Variants in HRH1 observed in about 807,000 individuals in gnomAD.
HRH1 encodes the protein histamine receptor H1, also known as histamine H1 receptor.
A neutral mutation model predicts 10.3 loss-of-function variants in HRH1; 6 were observed. That is an observed-to-expected ratio of 0.58 (90% CI 0.32 to 1.15). The LOEUF is 1.15. HRH1 is among the 50% of genes most tolerant of loss of function. The pLI is 0.05. For missense variants in HRH1, 514 were observed against 615.3 expected (o/e 0.84, Z 1.74); for synonymous variants, 242 against 236.7 (o/e 1.02, Z -0.21).
At chr3:11,224,277 C>T (rs891480702) in intron 1 of HRH1, among the ~76,000 whole-genome samples, 1 of 151,548 alleles carries the variant, frequency 6.6e-6, no homozygotes, top group African/African-American at 2.4e-5. Flanking sequence ...AGTACAGAGT[C>T]AGCTCTACAC....
At chr3:11,244,902 A>G (rs1314521995) in intron 1 of HRH1, among the ~76,000 whole-genome samples, 1 of 152,160 alleles carries the variant, frequency 6.6e-6, no homozygotes, top group Non-Finnish European at 1.5e-5. Context: ...GTGTCTGGTA[A>G]CATTTTGGGT....
chr3:11,238,616 ATGTAC>A (rs1559282020), intron 1 of HRH1, among the ~76,000 whole-genome samples: 1 of 152,240 alleles, frequency 6.6e-6, no homozygotes, highest in Non-Finnish European at 1.5e-5. Context: ...TCGTTAGTAA[ATGTAC>A]AGAGTTGTAT....
chr3:11,208,784 G>GT (rs971318717), intron 1 of HRH1, among the ~76,000 whole-genome samples: 2 of 152,176 alleles, frequency 1.3e-5, no homozygotes, highest in African/African-American at 4.8e-5. Flanking sequence ...GACCAGTCCC[G>GT]TAATGACTGC....
chr3:11,182,920 C>T (rs1344238199), intron 1 of HRH1, among the ~76,000 whole-genome samples: 1 of 152,122 alleles, frequency 6.6e-6, no homozygotes, highest in East Asian at 1.9e-4. Flanking sequence ...ACCTTGCCTC[C>T]TAGGATACTC....
chr3:11,251,791 G>A (rs1032898431), intron 1 of HRH1, among the ~76,000 whole-genome samples: 1 of 152,170 alleles, frequency 6.6e-6, no homozygotes, highest in Admixed American at 6.5e-5. Context: ...TTCTGATTTA[G>A]GATAGTTCTG....
At chr3:11,220,466 C>T (rs1938670745) in intron 1 of HRH1, among the ~76,000 whole-genome samples, 1 of 152,210 alleles carries the variant, frequency 6.6e-6, no homozygotes, top group Non-Finnish European at 1.5e-5. Flanking sequence ...GCTTGGGTTT[C>T]CTACAACCCA....
intron 1 of HRH1, among the ~76,000 whole-genome samples, chr3:11,189,964 G>A (rs943938593): frequency 6.6e-6 from 1 of 151,890 alleles, no homozygotes. Flanking sequence ...AAAGAAAAAT[G>A]GTCACTAAAA....
chr3:11,177,543 C>T (rs1053437892), intron 1 of HRH1, among the ~76,000 whole-genome samples: 7 of 152,186 alleles, frequency 4.6e-5, no homozygotes, highest in African/African-American at 1.2e-4. Context: ...TGGGCTTCTG[C>T]GCTCACATTC....
chr3:11,214,781 T>C (rs1054925434), intron 1 of HRH1, among the ~76,000 whole-genome samples: 2 of 152,280 alleles, frequency 1.3e-5, no homozygotes, highest in Non-Finnish European at 2.9e-5. Flanking sequence ...ATAGGTTTCA[T>C]GTCACATGAC....
intron 1 of HRH1, among the ~76,000 whole-genome samples, chr3:11,218,223 G>A (rs1938579460): frequency 6.6e-6 from 1 of 152,182 alleles, no homozygotes; most frequent in African/African-American, 2.4e-5. Context: ...AAGGCGGGTG[G>A]ATCACAAGGT....
intron 1 of HRH1, among the ~76,000 whole-genome samples, chr3:11,224,323 G>C (rs1559277776): frequency 6.6e-6 from 1 of 152,202 alleles, no homozygotes. Flanking sequence ...CTGGGTCAGG[G>C]AAAGAAGAGA....
chr3:11,248,600 G>A (rs1939551583), intron 1 of HRH1, among the ~76,000 whole-genome samples: 2 of 152,170 alleles, frequency 1.3e-5, no homozygotes, highest in African/African-American at 2.4e-5. Context: ...CATCTGCTCC[G>A]GAATGAACAA....
intron 1 of HRH1, among the ~76,000 whole-genome samples, chr3:11,145,417 A>G (rs546062290): frequency 5.9e-5 from 9 of 152,160 alleles, no homozygotes; most frequent in Admixed American, 3.3e-4. Context: ...GTCACCTCCC[A>G]CAAGAAACCC....
At chr3:11,196,482 T>G (rs546518788) in intron 1 of HRH1, among the ~76,000 whole-genome samples, 2 of 152,284 alleles carry the variant, frequency 1.3e-5, no homozygotes, top group South Asian at 4.1e-4. Flanking sequence ...CTTGGCTCAC[T>G]GCAACCTCTG....
upstream of HRH1, among the ~76,000 whole-genome samples, chr3:11,152,260 G>T (rs142986314): frequency 6.4e-3 from 974 of 152,282 alleles, 4 homozygotes; most frequent in East Asian, 9.6e-3. Flanking sequence ...TAAGCATGGG[G>T]CTGTTACTTT....
intron 1 of HRH1, among the ~76,000 whole-genome samples, chr3:11,230,173 A>T (rs975404544): frequency 6.6e-6 from 1 of 152,338 alleles, no homozygotes; most frequent in Admixed American, 6.5e-5. Context: ...ACTGAAGTCC[A>T]CTGGGTAGGT....
intron 1 of HRH1, among the ~76,000 whole-genome samples, chr3:11,222,826 G>T (rs965478633): frequency 2.6e-5 from 4 of 152,004 alleles, no homozygotes; most frequent in Admixed American, 2.0e-4. Flanking sequence ...CCATTCAAGC[G>T]CATTAAATAA....
chr3:11,208,750 C>T (rs1033724196), intron 1 of HRH1, among the ~76,000 whole-genome samples: 2 of 152,166 alleles, frequency 1.3e-5, no homozygotes, highest in African/African-American at 4.8e-5. Context: ...TATACCATCC[C>T]GGTGTTCTTG....
At chr3:11,248,300 A>G (rs1939544035) in intron 1 of HRH1, among the ~76,000 whole-genome samples, 1 of 152,204 alleles carries the variant, frequency 6.6e-6, no homozygotes, top group Non-Finnish European at 1.5e-5. Context: ...TTCAAGCTAC[A>G]TTCTTGTTTA....
Sources: gnomAD v4.1 joint callset for allele counts (sites outside exome capture counted in the v4.1 genomes callset) on GRCh38, gnomAD v4.1.1 for gene constraint, MANE v1.5 for transcripts, NCBI Gene and HGNC (gene_info 2026-07-23, HGNC 2026-07-21) for gene names.